Variants in NRK observed in about 807,000 individuals in gnomAD.
The protein encoded by NRK is nik-related protein kinase.
In NRK, 67 loss-of-function variants were observed where a neutral mutation model predicts 125.2. That is an observed-to-expected ratio of 0.54 (90% CI 0.44 to 0.66). The LOEUF is 0.66. Ranked by LOEUF, NRK falls within the 30% of genes least tolerant of loss-of-function variation. The pLI is 0.00. For missense variants in NRK, 1,224 were observed against 1,192.9 expected, an observed-to-expected ratio of 1.03 and a Z score of -0.38; for synonymous variants, 458 against 429.0, an observed-to-expected ratio of 1.07 and a Z score of -0.84.
chrX:105,943,370 T>A (rs1277847743), intron 23 of NRK, among the ~76,000 whole-genome samples: 2 of 112,168 alleles, frequency 1.8e-5, no homozygotes, highest in Non-Finnish European at 3.8e-5. Context: ...TTTTATTCCA[T>A]TGATCTATAT....
chrX:105,841,023 C>T (rs2039326564), intron 2 of NRK, among the ~76,000 whole-genome samples: 1 of 110,945 alleles, frequency 9.0e-6, no homozygotes, highest in Admixed American at 9.7e-5. Flanking sequence ...TCATGAAACA[C>T]TCTTTGGAAA....
intron 5 of NRK, among the ~76,000 whole-genome samples, chrX:105,891,185 T>C (rs2040012604): frequency 9.0e-6 from 1 of 111,691 alleles, no homozygotes; most frequent in East Asian, 2.8e-4. Flanking sequence ...CTTATCCTTT[T>C]CTTAGTCATT....
At chrX:105,835,326 GTTC>G (rs1414088661) in intron 2 of NRK, among the ~76,000 whole-genome samples, 1 of 111,054 alleles carries the variant, frequency 9.0e-6, no homozygotes, top group Non-Finnish European at 1.9e-5. Context: ...TAATATCCCT[GTTC>G]TTTTCTCAAC....
At chrX:105,925,255 C>T (rs1202945786) in intron 19 of NRK, among the ~76,000 whole-genome samples, 1 of 111,323 alleles carries the variant, frequency 9.0e-6, no homozygotes, top group Non-Finnish European at 1.9e-5. Context: ...GCCTTTATTA[C>T]TCAGATCACA....
At chrX:105,889,834 G>T (rs2039994554) in intron 5 of NRK, among the ~76,000 whole-genome samples, 1 of 112,105 alleles carries the variant, frequency 8.9e-6, no homozygotes, top group Non-Finnish European at 1.9e-5. Context: ...CCTGGGCCTG[G>T]CCCATGAAAC....
intron 2 of NRK, among the ~76,000 whole-genome samples, chrX:105,843,051 G>C (rs1300942916): frequency 9.0e-6 from 1 of 111,243 alleles, no homozygotes; most frequent in Non-Finnish European, 1.9e-5. Context: ...TTTCTTTAAG[G>C]GCAGGAACCT....
chrX:105,865,435 T>A (rs2039656179), intron 2 of NRK, among the ~76,000 whole-genome samples: 2 of 111,414 alleles, frequency 1.8e-5, no homozygotes. Context: ...CTCATGACCA[T>A]AGCACCAGAA....
At chrX:105,857,997 A>C (rs1278306946) in intron 2 of NRK, among the ~76,000 whole-genome samples, 1 of 111,160 alleles carries the variant, frequency 9.0e-6, no homozygotes, top group Non-Finnish European at 1.9e-5. Context: ...CTGATTGACC[A>C]AGCTGGCTGA....
chrX:105,852,208 A>G (rs890798833), intron 2 of NRK, among the ~76,000 whole-genome samples: 3 of 111,424 alleles, frequency 2.7e-5, no homozygotes, highest in African/African-American at 6.5e-5. Context: ...GAACCTTTCA[A>G]TATGTTGAGA....
intron 6 of NRK, among the ~76,000 whole-genome samples, chrX:105,894,600 C>T (rs896249590): frequency 3.6e-5 from 4 of 111,737 alleles, no homozygotes; most frequent in African/African-American, 1.3e-4. Context: ...AGAGTTCAAA[C>T]TCTGGGCTGA....
chrX:105,877,039 G>T (rs1020590646), intron 2 of NRK, among the ~76,000 whole-genome samples: 4 of 111,766 alleles, frequency 3.6e-5, no homozygotes, highest in African/African-American at 1.3e-4. Flanking sequence ...CTGGCAGGTT[G>T]TTACCTTAAC....
chrX:105,928,447 T>C (rs1024373795), intron 19 of NRK, among the ~76,000 whole-genome samples: 1 of 111,482 alleles, frequency 9.0e-6, no homozygotes, highest in South Asian at 3.7e-4. Flanking sequence ...AATGTTCATG[T>C]TGTATTTCTT....
At chrX:105,915,941 G>T in intron 15 of NRK, 144 bp downstream of exon 15, 1 of 391,856 alleles carries the variant, frequency 2.6e-6, no homozygotes, top group East Asian at 4.2e-5. Context: ...GGCCCACATT[G>T]AAAACCTTAA....
intron 27 of NRK, among the ~76,000 whole-genome samples, chrX:105,951,979 C>T: frequency 8.9e-6 from 1 of 112,431 alleles, no homozygotes; most frequent in Non-Finnish European, 1.9e-5. Context: ...TGTTCCCAAC[C>T]CTCTGGAGAC....
At chrX:105,933,072 A>G (rs1005969756) in intron 19 of NRK, among the ~76,000 whole-genome samples, 2 of 111,254 alleles carry the variant, frequency 1.8e-5, no homozygotes, top group African/African-American at 3.3e-5. Flanking sequence ...GAATAAATCA[A>G]TAAAGTTTGA....
At chrX:105,826,378 TATC>T (rs1480538822) in intron 1 of NRK, among the ~76,000 whole-genome samples, 3 of 76,680 alleles carry the variant, frequency 3.9e-5, no homozygotes, top group Non-Finnish European at 6.8e-5. Flanking sequence ...TTATATATAT[TATC>T]ATATATATAA....
chrX:105,912,654 G>A lies in NRK; in HGVS notation c.2248G>A (p.Glu750Lys), dbSNP rs751695305. The A allele has an allele frequency of 6.5e-6, 7 of 1,072,659 alleles. No homozygotes were observed. The South Asian group carries it at 1.6e-4, about 24-fold the overall frequency. 88.4% of individuals were successfully genotyped at this position (1,072,659 alleles called of 1,213,427 possible). ...EELRQVDKDK[E>K]DESSDNDEVF... The stretch of plus-strand genomic sequence containing the variant: ...TTTCCTTTTTGTTTCAAAGGACAAA[G>A]AAGATGAATCATCAGACAATGATGA... Residue 750 changes from glutamate to lysine, a missense_variant, in exon 14 of 29, where the codon GAA (glutamate) becomes AAA (lysine). Glu to Lys is a moderately conservative substitution (Grantham distance 56). Transcript: ENST00000243300.
chrX:105,906,387 T>C, intron 10 of NRK, 27 bp from the exon 11 acceptor site: 1 of 1,022,041 alleles, frequency 9.8e-7, no homozygotes. Context: ...GAACACTTTT[T>C]TTTCCTCTCT....
At chrX:105,904,207 ACT>A (rs1222811656) in intron 9 of NRK, among the ~76,000 whole-genome samples, 2 of 112,039 alleles carry the variant, frequency 1.8e-5, no homozygotes, top group African/African-American at 6.5e-5. Context: ...TGAAATTGAC[ACT>A]GTGGTTCTCC....
Sources: gnomAD v4.1 joint callset for allele counts (sites outside exome capture counted in the v4.1 genomes callset) on GRCh38, gnomAD v4.1.1 for gene constraint, MANE v1.5 for transcripts, NCBI Gene and HGNC (gene_info 2026-07-23, HGNC 2026-07-21) for gene names.